Variants in CLOCK observed in about 807,000 individuals in gnomAD.
CLOCK encodes circadian locomoter output cycles protein kaput.
Under a neutral mutation model 118.4 loss-of-function variants are expected in CLOCK, and 43 were observed. The ratio of observed to expected loss-of-function variants is 0.36; its 90% CI spans 0.28 to 0.47. The LOEUF (loss-of-function observed/expected upper bound fraction) is 0.47, where lower values mean the gene tolerates loss of function less well. CLOCK is among the 20% of genes least tolerant of loss of function. The probability of loss-of-function intolerance (pLI) is 1.00; values close to 1 mark genes in which losing one functional copy is unlikely to be tolerated. For missense variants in CLOCK, 846 were observed against 999.9 expected, an observed-to-expected ratio of 0.85 and a Z score of 2.08; for synonymous variants, 326 against 339.2, an observed-to-expected ratio of 0.96 and a Z score of 0.43.
chr4:55,449,127 G>A (rs1321790544), intron 17 of CLOCK, among the ~76,000 whole-genome samples: 2 of 150,680 alleles, frequency 1.3e-5, no homozygotes, highest in East Asian at 2.0e-4. Context: ...ATTGGTATTT[G>A]AACTTAGACA....
chr4:55,472,427 A>T (rs959742984), intron 7 of CLOCK, among the ~76,000 whole-genome samples: 1 of 152,196 alleles, frequency 6.6e-6, no homozygotes, highest in Non-Finnish European at 1.5e-5. Flanking sequence ...TTGTAGTCTA[A>T]GGGAAAGGAA....
At chr4:55,525,153 T>C (rs574676089) in intron 1 of CLOCK, among the ~76,000 whole-genome samples, 28 of 152,304 alleles carry the variant, frequency 1.8e-4, no homozygotes, top group South Asian at 1.4e-3. Context: ...CAATGAAAGA[T>C]AGAATGAGTT....
At chr4:55,443,389 C>T (rs1238784258) in intron 20 of CLOCK, among the ~76,000 whole-genome samples, 1 of 150,922 alleles carries the variant, frequency 6.6e-6, no homozygotes, top group Non-Finnish European at 1.5e-5. Context: ...GCAGGAGAAT[C>T]GCTTCAACCC....
In CLOCK at chr4:55,435,606, A is replaced by G. The variant is rs767368482; in HGVS notation, c.2362-12T>C. 1 of 1,613,474 alleles carries G rather than the reference A, an allele frequency of 6.2e-7. No individual in the cohort carries two copies. The highest frequency in any genetic ancestry group is 1.3e-5 in the African/African-American group (1 of 74,904). On this transcript the variant is annotated splice_polypyrimidine_tract_variant and intron_variant, in intron 22 of 22. Transcript: ENST00000513440. Reference sequence around the variant, plus strand: ...AGCAACCTAGAAGTCTAAAAAACAAATGGATTATGCAGCATTGCTTTACTC... The same window carrying G: ...AGCAACCTAGAAGTCTAAAAAACAAGTGGATTATGCAGCATTGCTTTACTC...
At chr4:55,516,738 T>C (rs537311685) in intron 1 of CLOCK, among the ~76,000 whole-genome samples, 9 of 152,226 alleles carry the variant, frequency 5.9e-5, no homozygotes, top group Non-Finnish European at 1.2e-4. Context: ...ATATTTGTGA[T>C]TGCTTTCTGT....
At chr4:55,456,357 T>C in intron 11 of CLOCK, 57 bp from the exon 12 acceptor site, 1 of 1,171,456 alleles carries the variant, frequency 8.5e-7, no homozygotes, top group Non-Finnish European at 1.2e-6. Context: ...ATATTAAATA[T>C]TGCTACATAT....
chr4:55,481,137 C>T (rs1388354088), intron 4 of CLOCK, among the ~76,000 whole-genome samples: 1 of 152,130 alleles, frequency 6.6e-6, no homozygotes, highest in East Asian at 1.9e-4. Context: ...TCCCTATTCA[C>T]TCCTTTAGCC....
intron 2 of CLOCK, among the ~76,000 whole-genome samples, chr4:55,503,265 A>G (rs771936272): frequency 5.9e-5 from 9 of 152,232 alleles, no homozygotes; most frequent in Non-Finnish European, 1.0e-4. Flanking sequence ...TCACAGTAGA[A>G]TAAATACTGA....
intron 1 of CLOCK, among the ~76,000 whole-genome samples, chr4:55,535,761 G>A (rs1168743495): frequency 4.0e-5 from 4 of 100,986 alleles, no homozygotes; most frequent in Admixed American, 3.9e-4. Context: ...TTTTTTTTGA[G>A]ATGGAGTCTT....
chr4:55,445,007 C>T (rs1009611687), intron 18 of CLOCK, among the ~76,000 whole-genome samples: 21 of 152,148 alleles, frequency 1.4e-4, no homozygotes, highest in African/African-American at 4.8e-4. Context: ...CAAAGTTATC[C>T]ACATCAGTAG....
intron 4 of CLOCK, among the ~76,000 whole-genome samples, chr4:55,481,870 T>C (rs1726955762): frequency 6.6e-6 from 1 of 152,222 alleles, no homozygotes; most frequent in African/African-American, 2.4e-5. Context: ...TTGTAAAATC[T>C]TGCAGAATTA....
intron 1 of CLOCK, among the ~76,000 whole-genome samples, chr4:55,513,599 G>C (rs1256212487): frequency 6.6e-6 from 1 of 152,028 alleles, no homozygotes; most frequent in Non-Finnish European, 1.5e-5. Flanking sequence ...CTCCAATTTT[G>C]TTCTTTTCTT....
At chr4:55,483,965 C>T (rs1412086608) in intron 3 of CLOCK, among the ~76,000 whole-genome samples, 1 of 152,116 alleles carries the variant, frequency 6.6e-6, no homozygotes, top group African/African-American at 2.4e-5. Context: ...AATCTGAAAG[C>T]TTTTGAGCAT....
At chr4:55,537,213 A>T (rs7697067) in intron 1 of CLOCK, among the ~76,000 whole-genome samples, 114,581 of 152,032 alleles carry the variant, frequency 0.75, 43,505 homozygotes, top group East Asian at 0.9. Context: ...CCAGGAGTGG[A>T]GGCTCACATC....
chr4:55,465,788 C>T (rs986622160), intron 8 of CLOCK, among the ~76,000 whole-genome samples: 7 of 152,042 alleles, frequency 4.6e-5, no homozygotes, highest in South Asian at 2.1e-4. Flanking sequence ...CTTGTCTCTA[C>T]GAAAAACACA....
intron 3 of CLOCK, among the ~76,000 whole-genome samples, chr4:55,487,464 T>C (rs1032458954): frequency 3.3e-5 from 5 of 152,214 alleles, no homozygotes; most frequent in African/African-American, 9.6e-5. Flanking sequence ...AAAATAATTA[T>C]GTATCTTCTC....
intron 2 of CLOCK, among the ~76,000 whole-genome samples, chr4:55,489,817 AC>A (rs1727552202): frequency 6.6e-6 from 1 of 152,190 alleles, no homozygotes; most frequent in South Asian, 2.1e-4. Flanking sequence ...AGATTGTTAT[AC>A]GCTTAAGACA....
intron 15 of CLOCK, among the ~76,000 whole-genome samples, chr4:55,450,621 A>G (rs1352988287): frequency 6.6e-6 from 1 of 152,132 alleles, no homozygotes; most frequent in Admixed American, 6.5e-5. Context: ...TACAAAATTT[A>G]GCCAGGCATG....
chr4:55,456,212 A>G lies in CLOCK; in HGVS notation c.875+6T>C. The G allele has an allele frequency of 6.4e-7, 1 of 1,561,516 alleles. No homozygotes were observed. The highest frequency in any genetic ancestry group is 1.1e-5 in the South Asian group (1 of 88,646). On this transcript the variant is annotated splice_donor_region_variant and intron_variant, in intron 12 of 22. Coordinates refer to ENST00000513440, the MANE Select transcript of CLOCK (RefSeq NM_004898.4). ...ACCTTTTCATGGAATTTAAAAATGGAATTACCTGTGATCTAGAAACAGAAA... is the reference window on the plus strand; with the variant it reads ...ACCTTTTCATGGAATTTAAAAATGGGATTACCTGTGATCTAGAAACAGAAA...
Sources: gnomAD v4.1 joint callset for allele counts (sites outside exome capture counted in the v4.1 genomes callset) on GRCh38, gnomAD v4.1.1 for gene constraint, MANE v1.5 for transcripts, NCBI Gene and HGNC (gene_info 2026-07-23, HGNC 2026-07-21) for gene names.